MED13: variants seen among roughly 807,000 people sequenced by gnomAD.
MED13 encodes the protein mediator of RNA polymerase II transcription subunit 13.
MED13 carries 23 observed loss-of-function variants against 225.2 expected under a neutral mutation model. That is an observed-to-expected ratio of 0.10 (90% CI 0.07 to 0.14). MED13 has a LOEUF of 0.14. Ranked by LOEUF, MED13 falls within the 10% of genes least tolerant of loss-of-function variation. The pLI is 1.00. For synonymous variants in MED13, 942 were observed against 889.2 expected (o/e 1.06, Z -1.06); for missense variants, 2,197 against 2,594.5 (o/e 0.85, Z 3.33).
chr17:62,032,100 A>AC (rs1363900652), intron 5 of MED13, among the ~76,000 whole-genome samples: 2 of 151,976 alleles, frequency 1.3e-5, no homozygotes, highest in Non-Finnish European at 2.9e-5. Flanking sequence ...TGTTTCTGTC[A>AC]CAACTGCTCT....
At chr17:62,023,467 T>C (rs774734162) in intron 8 of MED13, among the ~76,000 whole-genome samples, 6 of 152,108 alleles carry the variant, frequency 3.9e-5, no homozygotes, top group Non-Finnish European at 8.8e-5. Flanking sequence ...ATCTGCTCAG[T>C]AGTAACTGGG....
chr17:62,032,463 C>T (rs564015156), intron 5 of MED13: 2 of 131,912 alleles, frequency 1.5e-5, no homozygotes, highest in Admixed American at 9.2e-5. Context: ...AGCGACAGAG[C>T]GAGATTCCGT....
chr17:62,058,138 G>A (rs189209234), intron 2 of MED13, among the ~76,000 whole-genome samples: 11 of 152,192 alleles, frequency 7.2e-5, no homozygotes, highest in Admixed American at 7.2e-4. Context: ...GAGGGACTGA[G>A]CTAAGATTTT....
intron 3 of MED13, among the ~76,000 whole-genome samples, chr17:62,050,280 C>G (rs1317368594): frequency 1.3e-5 from 2 of 151,352 alleles, no homozygotes; most frequent in Non-Finnish European, 2.9e-5. Context: ...ATCACTTGAA[C>G]CTGGGAGGCA....
chr17:61,956,980 A>C (rs554938075), intron 23 of MED13, among the ~76,000 whole-genome samples: 6 of 152,330 alleles, frequency 3.9e-5, no homozygotes, highest in Non-Finnish European at 8.8e-5. Context: ...TTCACATTAT[A>C]ATATATAAAT....
At chr17:62,048,525 G>A (rs1411369485) in intron 3 of MED13, among the ~76,000 whole-genome samples, 1 of 151,958 alleles carries the variant, frequency 6.6e-6, no homozygotes, top group Admixed American at 6.6e-5. Flanking sequence ...TCTTTGAAAT[G>A]GTTGAAACAG....
intron 11 of MED13, 66 bp downstream of exon 11, chr17:61,992,474 A>G (rs2080307794): frequency 1.1e-6 from 1 of 945,952 alleles, no homozygotes; most frequent in Non-Finnish European, 1.7e-6. Flanking sequence ...AAGTCCAACA[A>G]TATCAGATCA....
At chr17:61,957,590 C>T (rs147177832) in intron 23 of MED13, among the ~76,000 whole-genome samples, 3,464 of 152,168 alleles carry the variant, frequency 0.023, 121 homozygotes, top group African/African-American at 0.077. Flanking sequence ...CCTCGTGATC[C>T]GCCCGCCTTG....
intron 8 of MED13, among the ~76,000 whole-genome samples, chr17:62,025,399 G>A (rs2080691607): frequency 6.6e-6 from 1 of 152,070 alleles, no homozygotes; most frequent in Non-Finnish European, 1.5e-5. Context: ...TGGGCATGGT[G>A]GCTCACACCT....
chr17:61,986,400 C>CAG (rs1299065856), intron 12 of MED13, among the ~76,000 whole-genome samples: 23 of 152,132 alleles, frequency 1.5e-4, no homozygotes, highest in Non-Finnish European at 3.1e-4. Flanking sequence ...TATGATAATG[C>CAG]AGCACCCAAT....
intron 8 of MED13, among the ~76,000 whole-genome samples, chr17:62,027,826 A>G (rs1279272391): frequency 6.6e-6 from 1 of 152,256 alleles, no homozygotes; most frequent in Non-Finnish European, 1.5e-5. Flanking sequence ...GCTCAACATC[A>G]CTGATCATTA....
In MED13 at chr17:62,035,533, T is replaced by C. The variant is rs755372724; in HGVS notation, c.546A>G (p.Gln182=). Residue 182 remains glutamine (Q), a synonymous_variant, in exon 4 of 30, where the codon CAA becomes CAG. Coordinates refer to ENST00000397786, the MANE Select transcript of MED13 (RefSeq NM_005121.3). ...SNVCTSVEIN[Q]HQPVYLLSEE... ...CACTGAGAAGGTATACAGGTTGATG[T>C]TGGTTAATTTCCACACTGGTACAAA... The C allele has an allele frequency of 1.4e-5, 22 of 1,613,594 alleles. No individual in the cohort carries two copies. The African/African-American group carries it at 1.6e-4, about 12-fold the overall frequency.
chr17:62,043,671 G>A (rs1201185921), intron 3 of MED13, among the ~76,000 whole-genome samples: 1 of 152,074 alleles, frequency 6.6e-6, no homozygotes, highest in African/African-American at 2.4e-5. Flanking sequence ...ATAACTATTG[G>A]TGACTTAAAA....
intron 16 of MED13, among the ~76,000 whole-genome samples, chr17:61,978,512 T>TG (rs1408529199): frequency 2.0e-5 from 3 of 152,098 alleles, no homozygotes; most frequent in African/African-American, 4.8e-5. Context: ...CAGCACTTTG[T>TG]GGGGGGCCAA....
chr17:62,060,402 C>G (rs1236314781), intron 2 of MED13, among the ~76,000 whole-genome samples: 1 of 152,082 alleles, frequency 6.6e-6, no homozygotes, highest in African/African-American at 2.4e-5. Context: ...GCTGGCGGAT[C>G]ACAAGCTCAG....
intron 1 of MED13, among the ~76,000 whole-genome samples, chr17:62,063,668 A>C (rs1318382526): frequency 3.9e-5 from 6 of 152,228 alleles, no homozygotes; most frequent in Non-Finnish European, 8.8e-5. Context: ...ACTGAAAATC[A>C]ATTATTAAAG....
At chr17:62,002,169 A>G (rs190030365) in intron 9 of MED13, among the ~76,000 whole-genome samples, 31 of 152,272 alleles carry the variant, frequency 2.0e-4, no homozygotes, top group African/African-American at 6.0e-4. Flanking sequence ...GTGCTTCCAG[A>G]AAGAATTTAA....
Position 62,033,958 on chromosome 17 carries a change from C to T in MED13, c.643G>A (p.Gly215Ser), listed in dbSNP as rs1489069278. Residue 215 changes from glycine to serine, a missense_variant, in exon 5 of 30, where the codon GGC (glycine) becomes AGC (serine). By Grantham distance (56) the Gly-to-Ser change is moderately conservative. Around this residue, in one of 12 missense-constraint regions of MED13, gnomAD observed 884 missense variants for 918.5 expected, o/e 0.96. Transcript: ENST00000397786. ...TTGAATGCCTGTCCTGTGAGAGTGC[C>T]ATTTAGTCCAAATGGGCATAAGATA... ...QVILCPFGLN[G>S]TLTGQAFKMS... 1 of 1,613,978 alleles carries T rather than the reference C, an allele frequency of 6.2e-7. No individual in the cohort carries two copies. Among genetic ancestry groups the T allele is most frequent in the South Asian group, 1.1e-5 (1 of 91,062 alleles).
intron 17 of MED13, among the ~76,000 whole-genome samples, chr17:61,971,624 T>C (rs954202725): frequency 1.3e-5 from 2 of 152,150 alleles, no homozygotes; most frequent in Non-Finnish European, 1.5e-5. Flanking sequence ...TAAAATAATG[T>C]AAAAGTTTAT....
Sources: gnomAD v4.1 joint callset for allele counts (sites outside exome capture counted in the v4.1 genomes callset) on GRCh38, gnomAD v4.1.1 for gene constraint, gnomAD v4.1.1 regional missense constraint, MANE v1.5 for transcripts, NCBI Gene and HGNC (gene_info 2026-07-23, HGNC 2026-07-21) for gene names.